The following SENP5 variants were observed in gnomAD, a reference collection of about 807,000 sequenced individuals.
The protein encoded by SENP5 is sentrin-specific protease 5.
Under a neutral mutation model 74.2 loss-of-function variants are expected in SENP5, and 21 were observed. The ratio of observed to expected loss-of-function variants is 0.28; its 90% CI spans 0.20 to 0.41. The LOEUF (loss-of-function observed/expected upper bound fraction) is 0.41. Ranked by LOEUF, SENP5 falls within the 10% of genes least tolerant of loss-of-function variation. SENP5 has a pLI of 1.00. For synonymous variants in SENP5, 311 were observed against 312.7 expected, an observed-to-expected ratio of 0.99 and a Z score of 0.06; for missense variants, 717 against 889.1, an observed-to-expected ratio of 0.81 and a Z score of 2.46.
At chr3:196,877,891 T>G (rs1365517019) in intron 1 of SENP5, among the ~76,000 whole-genome samples, 1 of 152,188 alleles carries the variant, frequency 6.6e-6, no homozygotes, top group Admixed American at 6.5e-5. Context: ...TATTTTTCCT[T>G]TTAACAAAAG....
chr3:196,884,060 C>A (rs1311848167), intron 1 of SENP5, among the ~76,000 whole-genome samples: 1 of 152,164 alleles, frequency 6.6e-6, no homozygotes, highest in Non-Finnish European at 1.5e-5. Context: ...AAGACTGATT[C>A]CATATTGACT....
In SENP5 at chr3:196,886,683, T is replaced by C; in HGVS notation, c.1502T>C (p.Val501Ala). The change falls in exon 2 of 10, where the codon GTC becomes GCC. Residue 501 changes from valine to alanine, a missense_variant. By Grantham distance (64) the Val-to-Ala change is moderately conservative. This residue lies in a region of SENP5 where 64 missense variants were observed against 100.8 expected (regional missense o/e 0.64). Coordinates refer to ENST00000323460, the MANE Select transcript of SENP5 (RefSeq NM_152699.5). ...ASPVDDEQLS[V>A]CLSGFLDEVM... ...CCAGTGGATGATGAACAGCTGTCAG[T>C]CTGTCTTTCTGGTATGCACTTTTCC... The C allele has an allele frequency of 6.4e-7, 1 of 1,556,290 alleles. No individual in the cohort carries two copies.
In SENP5 at chr3:196,908,014, A is replaced by G. The variant is rs114180729; in HGVS notation, c.1884+4404A>G. ...GCTGGGCGCTGTGTCTCACATCTGC[A>G]GTCTGAACACTTTGGGAGGCCTAAA... On this transcript the variant is annotated intron_variant, in intron 6 of 9. Transcript: ENST00000323460. Among the ~76,000 whole-genome samples, 1,337 of 152,310 alleles carry G rather than the reference A, an allele frequency of 8.8e-3. 21 individuals carry two copies. Among genetic ancestry groups the G allele is most frequent in the African/African-American group, 0.028 (1,172 of 41,552 alleles).
At chr3:196,914,586 A>AAAAAAAAAAAAAAT in intron 6 of SENP5, 3 of 33,504 alleles carry the variant, frequency 9.0e-5, no homozygotes, top group Admixed American at 3.1e-4. Flanking sequence ...AAAAAAAAAA[A>AAAAAAAAAAAAAAT]ATATATATAT....
intron 6 of SENP5, among the ~76,000 whole-genome samples, chr3:196,907,178 G>C: frequency 6.6e-6 from 1 of 152,110 alleles, no homozygotes; most frequent in Admixed American, 6.6e-5. Flanking sequence ...AAGCTGTGTA[G>C]ATAATGAACG....
chr3:196,868,247 G>A (rs1435231860), intron 1 of SENP5, among the ~76,000 whole-genome samples, 174 bp downstream of exon 1: 2 of 152,222 alleles, frequency 1.3e-5, no homozygotes, highest in African/African-American at 2.4e-5. Flanking sequence ...TCCCTTTCCG[G>A]GGGAGGCGAG....
At chr3:196,912,071 A>G (rs1047436899) in intron 6 of SENP5, among the ~76,000 whole-genome samples, 4 of 152,336 alleles carry the variant, frequency 2.6e-5, no homozygotes, top group Admixed American at 6.5e-5. Context: ...CAGCAGTCCT[A>G]TTACTGGGTA....
chr3:196,930,258 A>G (rs533133221), intron 9 of SENP5, among the ~76,000 whole-genome samples: 1 of 152,308 alleles, frequency 6.6e-6, no homozygotes, highest in Admixed American at 6.5e-5. Context: ...AACAAATTCA[A>G]GTTCCCATTA....
rs1228607077 is a variant in SENP5 at position 196,886,283 on chromosome 3, T to C, written c.1102T>C (p.Cys368Arg). 3 of 1,613,856 alleles carry C rather than the reference T, an allele frequency of 1.9e-6. No homozygotes were observed. The highest frequency in any genetic ancestry group is 3.3e-5 in the Admixed American group (2 of 59,954). The change falls in exon 2 of 10, where the codon TGT (cysteine) becomes CGT (arginine). Residue 368 changes from cysteine to arginine, a missense_variant. Cys to Arg is a radical substitution (Grantham distance 180). Coordinates refer to ENST00000323460, the MANE Select transcript of SENP5 (RefSeq NM_152699.5). ...ATCCTGTTCTTCTCCTAAGTGGGAG[T>C]GTACAGAGCTGATTCATGACATCCC... Reference protein sequence around the residue: ...QSSCSSPKWECTELIHDIPLP... With the variant: ...QSSCSSPKWERTELIHDIPLP...
intron 6 of SENP5, among the ~76,000 whole-genome samples, chr3:196,911,724 C>A (rs988834567): frequency 3.3e-5 from 5 of 151,896 alleles, no homozygotes; most frequent in African/African-American, 1.2e-4. Context: ...GCAGGAGAAT[C>A]GCTTGAACCT....
intron 6 of SENP5, among the ~76,000 whole-genome samples, chr3:196,922,776 C>T (rs904687937): frequency 1.3e-5 from 2 of 152,302 alleles, no homozygotes; most frequent in South Asian, 2.1e-4. Context: ...TGCACACCAC[C>T]ACGCCCGGTT....
intron 6 of SENP5, among the ~76,000 whole-genome samples, chr3:196,912,394 G>C (rs1267621919): frequency 3.9e-5 from 6 of 152,058 alleles, no homozygotes; most frequent in Non-Finnish European, 1.5e-5. Context: ...ACATAGGGAG[G>C]GGAACAACAT....
intron 9 of SENP5, 63 bp downstream of exon 9, chr3:196,929,746 G>A: frequency 3.6e-6 from 4 of 1,124,448 alleles, no homozygotes; most frequent in South Asian, 1.3e-5. Flanking sequence ...GGTTGAGAGG[G>A]GAGAGATGGC....
rs980303888 is a variant in SENP5, at chr3:196,906,763, G to A, written c.1884+3153G>A. 3.9e-5 allele frequency among the ~76,000 whole-genome samples: 6 copies of A among 152,126 alleles called. No individual in the cohort carries two copies. The East Asian group carries it at 9.6e-4, about 24-fold the overall frequency. ...TCAGGGCCTTGAGGTTTGTATTTTG[G>A]ATTTTATCCTAAATGTAATAGGAAA... is the stretch of plus-strand genomic sequence containing the variant. On this transcript the variant is annotated intron_variant, in intron 6 of 9. Coordinates refer to ENST00000323460, the MANE Select transcript of SENP5 (RefSeq NM_152699.5).
chr3:196,911,561 A>G (rs1715126466), intron 6 of SENP5, among the ~76,000 whole-genome samples: 1 of 151,872 alleles, frequency 6.6e-6, no homozygotes. Context: ...TGTCTCAAAA[A>G]AAAAAAAAAA....
At chr3:196,885,065 T>TC (rs2108816100) in intron 1 of SENP5, 86 bp from the exon 2 acceptor site, 1 of 731,978 alleles carries the variant, frequency 1.4e-6, no homozygotes, top group African/African-American at 1.8e-5. Flanking sequence ...TCTTTTTTTT[T>TC]CTCAATTTTC....
intron 5 of SENP5, among the ~76,000 whole-genome samples, chr3:196,902,971 A>G (rs1041247688): frequency 2.0e-5 from 3 of 152,122 alleles, no homozygotes; most frequent in Admixed American, 6.6e-5. Context: ...CACCTGATTT[A>G]GAGAGATTTG....
intron 6 of SENP5, chr3:196,914,423 A>G (rs915333775): frequency 3.3e-5 from 5 of 151,576 alleles, no homozygotes; most frequent in African/African-American, 1.2e-4. Context: ...GGGGTAAAAT[A>G]TTGTGATTGA....
intron 7 of SENP5, 114 bp from the exon 8 acceptor site, chr3:196,927,682 C>T: frequency 1.8e-6 from 1 of 553,366 alleles, no homozygotes. Context: ...AATGCATATT[C>T]TGCCCAGTTA....
Sources: allele counts gnomAD v4.1 joint callset (sites outside exome capture counted in the v4.1 genomes callset), GRCh38; gene constraint gnomAD v4.1.1; regional missense constraint gnomAD v4.1.1; transcripts MANE v1.5; gene names NCBI Gene and HGNC (gene_info 2026-07-23, HGNC 2026-07-21).